PTPRK: variants seen among roughly 807,000 people sequenced by gnomAD.
The protein encoded by PTPRK is receptor-type tyrosine-protein phosphatase kappa.
PTPRK carries 75 observed loss-of-function variants against 178.0 expected under a neutral mutation model. The observed-to-expected ratio is 0.42, with a 90% CI of 0.35 to 0.51. The LOEUF (loss-of-function observed/expected upper bound fraction) is 0.51, where lower values mean the gene tolerates loss of function less well. PTPRK is among the 20% of genes least tolerant of loss of function. PTPRK has a pLI of 0.02. For synonymous variants in PTPRK, 637 were observed against 620.6 expected (o/e 1.03, Z -0.39); for missense variants, 1,441 against 1,797.8 (o/e 0.80, Z 3.59).
At chr6:128,281,808 T>C (rs549367986) in intron 3 of PTPRK, among the ~76,000 whole-genome samples, 1 of 152,184 alleles carries the variant, frequency 6.6e-6, no homozygotes, top group Admixed American at 6.6e-5. Flanking sequence ...CCAGTGGCCA[T>C]ATACTTATAC....
intron 7 of PTPRK, among the ~76,000 whole-genome samples, chr6:128,136,374 T>TTAC (rs1192754986): frequency 6.6e-6 from 1 of 152,194 alleles, no homozygotes; most frequent in Non-Finnish European, 1.5e-5. Flanking sequence ...GCTGCGCTAT[T>TTAC]TACTGATCAA....
At chr6:128,247,706 T>C (rs190930433) in intron 3 of PTPRK, among the ~76,000 whole-genome samples, 55 of 152,296 alleles carry the variant, frequency 3.6e-4, no homozygotes, top group Middle Eastern at 3.4e-3. Flanking sequence ...ATAGGGAAGA[T>C]TAAATGAGAT....
intron 28 of PTPRK, 90 bp downstream of exon 28, chr6:127,973,574 A>G (rs1218910312): frequency 6.8e-7 from 1 of 1,470,094 alleles, no homozygotes; most frequent in South Asian, 1.3e-5. Context: ...TGGGAGGTCC[A>G]TAAGATGCAA....
intron 13 of PTPRK, among the ~76,000 whole-genome samples, chr6:128,054,508 A>G (rs1337508445): frequency 1.3e-5 from 2 of 152,190 alleles, no homozygotes; most frequent in African/African-American, 4.8e-5. Flanking sequence ...CAGTAAGAAA[A>G]CATCAGCACA....
intron 3 of PTPRK, among the ~76,000 whole-genome samples, chr6:128,314,653 T>C (rs1827752899): frequency 6.6e-6 from 1 of 151,978 alleles, no homozygotes; most frequent in Admixed American, 6.5e-5. Flanking sequence ...GTAGACTAGC[T>C]ATCATCCCAT....
At chr6:128,405,779 G>A (rs988786215) in intron 1 of PTPRK, among the ~76,000 whole-genome samples, 2 of 151,770 alleles carry the variant, frequency 1.3e-5, no homozygotes, top group African/African-American at 2.4e-5. Flanking sequence ...ATGAAGGGAC[G>A]TAAAACAGAA....
chr6:128,242,934 T>C (rs1814733750), intron 3 of PTPRK, among the ~76,000 whole-genome samples: 1 of 152,230 alleles, frequency 6.6e-6, no homozygotes, highest in Non-Finnish European at 1.5e-5. Context: ...ATTTTTTCCA[T>C]TTTTGTTGTT....
At chr6:128,214,083 C>G (rs907380688) in intron 6 of PTPRK, among the ~76,000 whole-genome samples, 3 of 152,114 alleles carry the variant, frequency 2.0e-5, no homozygotes, top group African/African-American at 7.2e-5. Flanking sequence ...TACTGAATTT[C>G]TTCATGTAAA....
intron 3 of PTPRK, among the ~76,000 whole-genome samples, chr6:128,258,531 T>A (rs1032554475): frequency 4.6e-5 from 7 of 152,236 alleles, no homozygotes; most frequent in African/African-American, 1.7e-4. Context: ...TCATTGTATA[T>A]GTACTTTTTC....
chr6:128,055,254 G>A (rs1779698160), intron 13 of PTPRK, among the ~76,000 whole-genome samples: 1 of 151,990 alleles, frequency 6.6e-6, no homozygotes, highest in Non-Finnish European at 1.5e-5. Context: ...ACTTTCTAAA[G>A]GACTCAAAGA....
intron 1 of PTPRK, among the ~76,000 whole-genome samples, chr6:128,511,252 T>C (rs1269708362): frequency 6.6e-6 from 1 of 152,192 alleles, no homozygotes; most frequent in Non-Finnish European, 1.5e-5. Flanking sequence ...GATCACCTAG[T>C]GGTCCACAAC....
chr6:128,501,389 A>T (rs936032071), intron 1 of PTPRK, among the ~76,000 whole-genome samples: 1 of 142,796 alleles, frequency 7.0e-6, no homozygotes, highest in African/African-American at 2.7e-5. Context: ...ACTAAACTCA[A>T]ATCACACACA....
intron 1 of PTPRK, among the ~76,000 whole-genome samples, chr6:128,497,687 C>T (rs1243831694): frequency 6.6e-6 from 1 of 152,066 alleles, no homozygotes; most frequent in Non-Finnish European, 1.5e-5. Context: ...CATTATTATA[C>T]ATTCCAGTGT....
intron 19 of PTPRK, among the ~76,000 whole-genome samples, chr6:127,992,228 T>C (rs988752756): frequency 9.9e-5 from 15 of 151,840 alleles, no homozygotes; most frequent in Non-Finnish European, 1.5e-4. Context: ...TCCATCTCTT[T>C]GTTTTGTCTC....
intron 3 of PTPRK, among the ~76,000 whole-genome samples, chr6:128,255,311 A>G (rs74367000): frequency 0.03 from 4,530 of 152,224 alleles, 243 homozygotes; most frequent in African/African-American, 0.1. Flanking sequence ...TTAAGGATAG[A>G]TGGAGAGAGA....
At chr6:128,416,864 G>A (rs1211846408) in intron 1 of PTPRK, among the ~76,000 whole-genome samples, 1 of 151,300 alleles carries the variant, frequency 6.6e-6, no homozygotes, top group East Asian at 1.9e-4. Flanking sequence ...CTGGGTAAGA[G>A]TCGGTGAAGA....
chr6:128,447,701 T>G (rs994599920), intron 1 of PTPRK, among the ~76,000 whole-genome samples: 29 of 151,858 alleles, frequency 1.9e-4, no homozygotes, highest in Admixed American at 1.2e-3. Flanking sequence ...CTTGGCTCAC[T>G]GTAACCTCCA....
At chr6:128,000,106 G>C (rs531189587) in intron 15 of PTPRK, 83 of 972,586 alleles carry the variant, frequency 8.5e-5, no homozygotes, top group Non-Finnish European at 8.8e-5. Flanking sequence ...GTTTTAAGGG[G>C]TGTTACTTTG....
intron 1 of PTPRK, chr6:128,472,830 C>T (rs1367303091): frequency 2.8e-5 from 5 of 179,250 alleles, no homozygotes; most frequent in African/African-American, 1.2e-4. Flanking sequence ...TAGTCTGCCA[C>T]CTGATTTCAT....
Sources: gnomAD v4.1 joint callset for allele counts (sites outside exome capture counted in the v4.1 genomes callset) on GRCh38, gnomAD v4.1.1 for gene constraint, MANE v1.5 for transcripts, NCBI Gene and HGNC (gene_info 2026-07-23, HGNC 2026-07-21) for gene names.